The following MAS1 variants were observed in gnomAD, a reference collection of about 807,000 sequenced individuals.
MAS1 encodes proto-oncogene Mas.
For synonymous variants in MAS1, 163 were observed against 164.2 expected, an observed-to-expected ratio of 0.99 and a Z score of 0.05; for missense variants, 387 against 409.7, an observed-to-expected ratio of 0.94 and a Z score of 0.48.
chr6:159,902,406 A>G (rs1782833040), intron 2 of MAS1: 1 of 152,196 alleles, frequency 6.6e-6, no homozygotes, highest in Non-Finnish European at 1.5e-5. Context: ...AGCGAGATGC[A>G]CTGCAAGAGT....
At chr6:159,906,473 C>T (rs555857109) in intron 2 of MAS1, among the ~76,000 whole-genome samples, 4 of 152,358 alleles carry the variant, frequency 2.6e-5, no homozygotes, top group South Asian at 2.1e-4. Flanking sequence ...CCCAGACATG[C>T]GTTTTGTCAT....
intron 2 of MAS1, among the ~76,000 whole-genome samples, chr6:159,903,800 A>G (rs1442939868): frequency 6.6e-6 from 1 of 152,064 alleles, no homozygotes; most frequent in Admixed American, 6.5e-5. Flanking sequence ...TCCATGTATA[A>G]TTCTTATCCA....
intron 2 of MAS1, chr6:159,902,285 C>T (rs971155185): frequency 6.6e-6 from 1 of 152,166 alleles, no homozygotes; most frequent in African/African-American, 2.4e-5. Context: ...AAGCACTTGG[C>T]TTCCTTGCAT....
In MAS1 at chr6:159,915,045, C is replaced by G. The variant is rs1783005894; in HGVS notation, c.*7112C>G. On this transcript the variant is annotated 3_prime_UTR_variant, in exon 3 of 3. Coordinates refer to ENST00000674077, the MANE Select transcript of MAS1 (RefSeq NM_002377.4). Reference sequence around the variant, plus strand: ...GGTGAATTCAGGGTGGTGTTCTTGTCTTTGAATAGTTGGAATCTATTTCTG... The same window carrying G: ...GGTGAATTCAGGGTGGTGTTCTTGTGTTTGAATAGTTGGAATCTATTTCTG... 6.6e-6 allele frequency: 1 copy of G among 152,144 alleles called. No homozygotes were observed. Among genetic ancestry groups the G allele is most frequent in the South Asian group, 2.1e-4 (1 of 4,826 alleles). The allele number at this position is 152,144 out of a possible 1,614,324, so 9.4% of individuals were successfully genotyped here.
rs139879171 is a variant in MAS1 at position 159,907,060 on chromosome 6, G to A, written c.105G>A (p.Val35=). Residue 35 remains valine (V), a synonymous_variant, in exon 3 of 3, where the codon GTG becomes GTA. Transcript: ENST00000674077. Reference sequence around the variant, plus strand: ...ATGCACATCGGCAAATCCCCATCGTGCACTGGGTCATTATGAGCATCTCCC... The same window carrying A: ...ATGCACATCGGCAAATCCCCATCGTACACTGGGTCATTATGAGCATCTCCC... The part of the protein sequence containing the change: ...VGNAHRQIPI[V]HWVIMSISPV... 7.4e-5 allele frequency: 119 copies of A among 1,614,112 alleles called. No individual in the cohort carries two copies. The highest frequency in any genetic ancestry group is 6.6e-4 in the Middle Eastern group (4 of 6,062).
chr6:159,901,606 T>A (rs937084707), intron 2 of MAS1, among the ~76,000 whole-genome samples: 1 of 152,156 alleles, frequency 6.6e-6, no homozygotes, highest in Non-Finnish European at 1.5e-5. Flanking sequence ...CTAAACTTTT[T>A]TTTTAATTAA....
In MAS1 at chr6:159,901,487, T is replaced by C. The variant is rs1459400291; in HGVS notation, c.-37+2095T>C. On this transcript the variant is annotated intron_variant, in intron 2 of 2. Transcript: ENST00000674077. ...GATGGTGCATGCCTGTTGTCCTAGC[T>C]GTTCAGGAGGCTGAGAGGGGAGGAT... is the stretch of plus-strand genomic sequence containing the variant. 2.0e-5 allele frequency among the ~76,000 whole-genome samples: 3 copies of C among 152,128 alleles called. No homozygotes were observed. In the South Asian group the frequency reaches 6.2e-4, roughly 31 times the overall value.
Position 159,908,133 on chromosome 6 carries a change from G to A in MAS1, c.*200G>A, listed in dbSNP as rs1474032256. The A allele has an allele frequency of 3.9e-6, 2 of 514,198 alleles. No individual in the cohort carries two copies. The highest frequency in any genetic ancestry group is 3.9e-5 in the African/African-American group (2 of 50,776). The allele number at this position is 514,198 out of a possible 1,614,324, so 31.9% of individuals were successfully genotyped here. A position where few individuals can be genotyped will look rare whatever the true frequency, so the allele number is the denominator to read the frequency against. ...ACCTGTCATTTCTGTACTTGACAAA[G>A]ACTCTATTTCTTTCAGCTCTTTTGG... On this transcript the variant is annotated 3_prime_UTR_variant, in exon 3 of 3. Coordinates refer to ENST00000674077, the MANE Select transcript of MAS1 (RefSeq NM_002377.4).
At chr6:159,905,184 A>G (rs1360533785) in intron 2 of MAS1, among the ~76,000 whole-genome samples, 1 of 152,184 alleles carries the variant, frequency 6.6e-6, no homozygotes, top group Non-Finnish European at 1.5e-5. Flanking sequence ...TGTTTTATTT[A>G]CTGCCATGTC....
intron 2 of MAS1, among the ~76,000 whole-genome samples, chr6:159,903,650 C>G (rs1205601944): frequency 6.6e-6 from 1 of 152,154 alleles, no homozygotes; most frequent in African/African-American, 2.4e-5. Flanking sequence ...ACTCCCACAA[C>G]CACATCTACC....
rs1203214589 is a variant in MAS1 at position 159,914,334 on chromosome 6, G to A, written c.*6401G>A. The A allele has an allele frequency of 6.6e-6, 1 of 152,056 alleles. No individual in the cohort carries two copies. Among genetic ancestry groups the A allele is most frequent in the African/African-American group, 2.4e-5 (1 of 41,392 alleles). 9.4% of individuals were successfully genotyped at this position (152,056 alleles called of 1,614,324 possible). A position where few individuals can be genotyped will look rare whatever the true frequency, so the allele number is the denominator to read the frequency against. ...CGATCCCCGTGCAATTGAGAAGATA[G>A]TCACCTCTGACAGTTTTTTAAGGGT... On this transcript the variant is annotated 3_prime_UTR_variant, in exon 3 of 3. Transcript: ENST00000674077.
At chr6:159,903,530 CCT>C (rs1782848048) in intron 2 of MAS1, among the ~76,000 whole-genome samples, 1 of 152,062 alleles carries the variant, frequency 6.6e-6, no homozygotes, top group Non-Finnish European at 1.5e-5. Context: ...CACATCGTGC[CCT>C]CTCTCCTTAA....
chr6:159,907,105 T>C lies in MAS1; in HGVS notation c.150T>C (p.Asn50=), dbSNP rs747019196. 1.2e-5 allele frequency: 19 copies of C among 1,614,240 alleles called. No individual in the cohort carries two copies. Among genetic ancestry groups the C allele is most frequent in the Non-Finnish European group, 1.6e-5 (19 of 1,180,030 alleles). The change falls in exon 3 of 3, where the codon AAT becomes AAC. Residue 50 remains asparagine, a synonymous_variant. Coordinates refer to ENST00000674077, the MANE Select transcript of MAS1 (RefSeq NM_002377.4). Reference sequence around the variant, plus strand: ...TCTCCCCAGTGGGGTTTGTTGAGAATGGGATTCTCCTCTGGTTCCTGTGCT... The same window carrying C: ...TCTCCCCAGTGGGGTTTGTTGAGAACGGGATTCTCCTCTGGTTCCTGTGCT... The part of the protein sequence containing the change: ...MSISPVGFVE[N]GILLWFLCFR...
rs1224240312 is a variant in MAS1, at chr6:159,914,646, C to T, written c.*6713C>T. ...GGACCTCCCTGTGGATTGTGCCAGC[C>T]AGTCCCTTCACCATGGTGTCCCCAC... On this transcript the variant is annotated 3_prime_UTR_variant, in exon 3 of 3. Transcript: ENST00000674077. 6.6e-6 allele frequency: 1 copy of T among 152,318 alleles called. No homozygotes were observed. Among genetic ancestry groups the T allele is most frequent in the African/African-American group, 2.4e-5 (1 of 41,450 alleles). The allele number at this position is 152,318 out of a possible 1,614,324, so 9.4% of individuals were successfully genotyped here.
rs1284690477 is a variant in MAS1, at chr6:159,917,128, T to C, written c.*9195T>C. On this transcript the variant is annotated 3_prime_UTR_variant, in exon 3 of 3. Coordinates refer to ENST00000674077, the MANE Select transcript of MAS1 (RefSeq NM_002377.4). ...CTCCAGTGTGGCTGCAGCACGTCCA[T>C]TTGACAATCCTGACCTCGGTGGTGG... Among the ~76,000 whole-genome samples the C allele has an allele frequency of 4.6e-5, 7 of 152,202 alleles. No homozygotes were observed. Among genetic ancestry groups the C allele is most frequent in the Non-Finnish European group, 8.8e-5 (6 of 68,026 alleles).
rs1194833964 is a variant in MAS1 at position 159,907,552 on chromosome 6, C to T, written c.597C>T (p.Phe199=). The change falls in exon 3 of 3, where the codon TTC becomes TTT. Residue 199 remains phenylalanine (F), a synonymous_variant. Transcript: ENST00000674077. ...TAGCCATCCTGAGCTTCCTGGTCTT[C>T]ACGCCCCTCATGCTGGTGTCCAGCA... The part of the protein sequence containing the change: ...IFIAILSFLV[F]TPLMLVSSTI... 1 of 1,613,928 alleles carries T rather than the reference C, an allele frequency of 6.2e-7. No homozygotes were observed. The highest frequency in any genetic ancestry group is 8.5e-7 in the Non-Finnish European group (1 of 1,180,022).
Position 159,916,590 on chromosome 6 carries a change from G to A in MAS1, c.*8657G>A, listed in dbSNP as rs1783027298. ...TGGGCAGCCCATGGCCCCGAGACAG[G>A]TGCCAAGTCAATACTTGGGTGATGA... On this transcript the variant is annotated 3_prime_UTR_variant, in exon 3 of 3. Coordinates refer to ENST00000674077, the MANE Select transcript of MAS1 (RefSeq NM_002377.4). 6.6e-6 allele frequency: 1 copy of A among 152,228 alleles called. No homozygotes were observed. The highest frequency in any genetic ancestry group is 2.1e-4 in the South Asian group (1 of 4,838). 9.4% of individuals were successfully genotyped at this position (152,228 alleles called of 1,614,324 possible).
intron 1 of MAS1, among the ~76,000 whole-genome samples, chr6:159,894,886 A>G (rs1782738525): frequency 6.6e-6 from 1 of 152,168 alleles, no homozygotes; most frequent in Non-Finnish European, 1.5e-5. Context: ...AACAGAGACA[A>G]TATTTCTGAA....
intron 2 of MAS1, among the ~76,000 whole-genome samples, chr6:159,904,593 C>T (rs1782862380): frequency 6.6e-6 from 1 of 152,220 alleles, no homozygotes; most frequent in African/African-American, 2.4e-5. Context: ...CTTCACCTCC[C>T]ACCTGACCTC....
Sources: gnomAD v4.1 joint callset for allele counts (sites outside exome capture counted in the v4.1 genomes callset) on GRCh38, gnomAD v4.1.1 for gene constraint, MANE v1.5 for transcripts, NCBI Gene and HGNC (gene_info 2026-07-23, HGNC 2026-07-21) for gene names.